MED27: variants seen among roughly 807,000 people sequenced by gnomAD.
MED27 encodes the protein mediator complex subunit 27.
A neutral mutation model predicts 38.2 loss-of-function variants in MED27; 30 were observed. That is an observed-to-expected ratio of 0.79 (90% CI 0.59 to 1.07). MED27 has a LOEUF of 1.07. MED27 is among the 50% of genes least tolerant of loss of function. The pLI, the probability that MED27 is intolerant of heterozygous loss-of-function variation, is 0.00. For missense variants in MED27, 289 were observed against 397.5 expected (o/e 0.73, Z 2.32); for synonymous variants, 122 against 153.5 (o/e 0.79, Z 1.52).
At chr9:131,986,272 C>T (rs1831848357) in intron 3 of MED27, among the ~76,000 whole-genome samples, 1 of 152,150 alleles carries the variant, frequency 6.6e-6, no homozygotes, top group Non-Finnish European at 1.5e-5. Context: ...CACTGACTCA[C>T]CCAGAGCAAC....
At chr9:131,955,373 A>G (rs1831075707) in intron 3 of MED27, among the ~76,000 whole-genome samples, 1 of 152,190 alleles carries the variant, frequency 6.6e-6, no homozygotes, top group East Asian at 1.9e-4. Flanking sequence ...AAGAAAAAGA[A>G]GAGAAAATTA....
chr9:132,022,025 C>T (rs987985862), intron 2 of MED27, among the ~76,000 whole-genome samples: 1 of 152,224 alleles, frequency 6.6e-6, no homozygotes, highest in African/African-American at 2.4e-5. Flanking sequence ...AACTAAGACA[C>T]ATGGCCACTT....
At chr9:132,044,701 C>A (rs1833293381) in intron 2 of MED27, among the ~76,000 whole-genome samples, 1 of 152,194 alleles carries the variant, frequency 6.6e-6, no homozygotes. Context: ...AAAAGCAGTC[C>A]ACATTTTACC....
intron 3 of MED27, among the ~76,000 whole-genome samples, chr9:131,995,323 G>T (rs1832066659): frequency 6.6e-6 from 1 of 151,962 alleles, no homozygotes; most frequent in Admixed American, 6.6e-5. Flanking sequence ...ATAGACCCAT[G>T]AATAAAGTGG....
intron 6 of MED27, among the ~76,000 whole-genome samples, chr9:131,870,352 C>G (rs1041010697): frequency 2.6e-4 from 40 of 152,210 alleles, no homozygotes; most frequent in African/African-American, 9.2e-4. Context: ...GATGCAGGGA[C>G]AGTGCACTGA....
Position 131,991,066 on chromosome 9 carries a change from A to G in MED27, c.479+23271T>C, listed in dbSNP as rs901649206. Among the ~76,000 whole-genome samples, 36 of 152,324 alleles carry G rather than the reference A, an allele frequency of 2.4e-4. 1 individual carries two copies. The Middle Eastern group carries it at 0.014, about 58-fold the overall frequency. ...CTTTTAAAACATAACTGAGAGCACT[A>G]AAACAAGAGCCTGTTTTCCCTTCCA... On this transcript the variant is annotated intron_variant, in intron 3 of 7. Transcript: ENST00000292035.
At chr9:131,925,702 C>CAT (rs1428436116) in intron 4 of MED27, among the ~76,000 whole-genome samples, 3 of 151,928 alleles carry the variant, frequency 2.0e-5, no homozygotes, top group Non-Finnish European at 4.4e-5. Context: ...TAGGAATATG[C>CAT]ATATATATAT....
intron 3 of MED27, among the ~76,000 whole-genome samples, chr9:131,963,043 A>C (rs1341112894): frequency 2.0e-5 from 3 of 152,250 alleles, no homozygotes; most frequent in African/African-American, 7.2e-5. Flanking sequence ...AAACTTTAAA[A>C]AGCCGAACAT....
Position 131,917,774 on chromosome 9 carries a change from T to TTGC in MED27, c.573+21606_573+21607insGCA, listed in dbSNP as rs1299963709. On this transcript the variant is annotated intron_variant, in intron 4 of 7. Transcript: ENST00000292035. The surrounding 1 kb of genome is among the most constrained non-coding windows in gnomAD (Gnocchi z 4.6). ...GAAAAATGTTAAATTGGAGACAAGT[T>TTGC]GCAAGGGATCCAAAGGGTGTAGGAT... Among the ~76,000 whole-genome samples, 1 of 152,206 alleles carries TTGC rather than the reference T, an allele frequency of 6.6e-6. No homozygotes were observed. Among genetic ancestry groups the TTGC allele is most frequent in the Non-Finnish European group, 1.5e-5 (1 of 68,030 alleles).
At chr9:132,037,399 A>G (rs1404184077) in intron 2 of MED27, among the ~76,000 whole-genome samples, 2 of 152,166 alleles carry the variant, frequency 1.3e-5, no homozygotes, top group Non-Finnish European at 2.9e-5. Flanking sequence ...GTTCAGTCAG[A>G]TACCTAGGTA....
rs964252328 is a variant in MED27, at chr9:131,862,524, G to A, written c.801+539C>T. On this transcript the variant is annotated intron_variant, in intron 7 of 7. Transcript: ENST00000292035. This position sits in a 1 kb window ranked among gnomAD's most constrained non-coding sequence, Gnocchi z 4.6. ...TGACTTGCAGTGTTTGCCGATTTCCGTGGTGTCAACACTCCCACCAAGTTT... is the reference window on the plus strand; with the variant it reads ...TGACTTGCAGTGTTTGCCGATTTCCATGGTGTCAACACTCCCACCAAGTTT... Among the ~76,000 whole-genome samples, 10 of 152,178 alleles carry A rather than the reference G, an allele frequency of 6.6e-5. No individual in the cohort carries two copies. The highest frequency in any genetic ancestry group is 1.4e-4 in the African/African-American group (6 of 41,438).
intron 5 of MED27, among the ~76,000 whole-genome samples, chr9:131,891,893 G>A (rs1191184442): frequency 6.6e-6 from 1 of 152,160 alleles, no homozygotes; most frequent in East Asian, 1.9e-4. Flanking sequence ...AGTTACTTAA[G>A]AGGGAGAACT....
At chr9:132,044,873 G>T (rs951234195) in intron 2 of MED27, among the ~76,000 whole-genome samples, 1 of 152,018 alleles carries the variant, frequency 6.6e-6, no homozygotes, top group African/African-American at 2.4e-5. Flanking sequence ...ATTAAAAACA[G>T]GAAAAAGTTT....
intron 3 of MED27, among the ~76,000 whole-genome samples, chr9:131,962,390 C>T (rs570793226): frequency 9.2e-5 from 14 of 152,270 alleles, no homozygotes; most frequent in African/African-American, 3.1e-4. Context: ...GCATGTGCCA[C>T]CACACCCAGC....
chr9:131,883,340 G>C lies in MED27; in HGVS notation c.723+718C>G, dbSNP rs1009288369. On this transcript the variant is annotated intron_variant, in intron 6 of 7. Coordinates refer to ENST00000292035, the MANE Select transcript of MED27 (RefSeq NM_004269.4). The surrounding 1 kb of genome is among the most constrained non-coding windows in gnomAD (Gnocchi z 4.2). ...GCCCTGAGTACTGTGGGGACTGGTGGGGGTGTGGCGGTGGGGACAGAATCC... is the reference window on the plus strand; with the variant it reads ...GCCCTGAGTACTGTGGGGACTGGTGCGGGTGTGGCGGTGGGGACAGAATCC... 6.6e-6 allele frequency among the ~76,000 whole-genome samples: 1 copy of C among 152,216 alleles called. No homozygotes were observed. Among genetic ancestry groups the C allele is most frequent in the African/African-American group, 2.4e-5 (1 of 41,450 alleles).
chr9:131,971,307 G>C (rs369022198), intron 3 of MED27, among the ~76,000 whole-genome samples: 10 of 152,238 alleles, frequency 6.6e-5, no homozygotes, highest in African/African-American at 2.4e-4. Context: ...TGAGGCACAG[G>C]TGGGCTCAAA....
chr9:132,024,295 T>TG (rs1322317507), intron 2 of MED27, among the ~76,000 whole-genome samples: 2 of 152,160 alleles, frequency 1.3e-5, no homozygotes, highest in East Asian at 1.9e-4. Flanking sequence ...AACAAATCCA[T>TG]GGGGGGCAGT....
At chr9:131,939,316 G>T in intron 4 of MED27, 65 bp downstream of exon 4, 1 of 1,019,636 alleles carries the variant, frequency 9.8e-7, no homozygotes, top group Non-Finnish European at 1.5e-6. Context: ...CACAGGACCA[G>T]AGAGTTAATT....
At chr9:131,919,076 T>C (rs1048255500) in intron 4 of MED27, among the ~76,000 whole-genome samples, 3 of 152,024 alleles carry the variant, frequency 2.0e-5, no homozygotes, top group Non-Finnish European at 4.4e-5. Flanking sequence ...AGCCCTGAGA[T>C]AAAGATAATA....
Sources: allele counts gnomAD v4.1 joint callset (sites outside exome capture counted in the v4.1 genomes callset), GRCh38; gene constraint gnomAD v4.1.1; non-coding constraint Gnocchi (gnomAD v3.1); transcripts MANE v1.5; gene names NCBI Gene and HGNC (gene_info 2026-07-23, HGNC 2026-07-21).